SSX5: variants seen among roughly 807,000 people sequenced by gnomAD.
The protein encoded by SSX5 is protein SSX5.
Under a neutral mutation model 14.9 loss-of-function variants are expected in SSX5, and 14 were observed. That is an observed-to-expected ratio of 0.94 (90% confidence interval 0.62 to 1.47). The LOEUF (loss-of-function observed/expected upper bound fraction) is 1.47. SSX5 is among the 40% of genes most tolerant of loss of function. The pLI is 0.00. For synonymous variants in SSX5, 70 were observed against 55.4 expected (o/e 1.26, Z -1.17); for missense variants, 204 against 154.6 (o/e 1.32, Z -1.70).
intron 6 of SSX5, among the ~76,000 whole-genome samples, chrX:48,188,599 T>G (rs1381585958): frequency 1.8e-5 from 2 of 112,039 alleles, no homozygotes; most frequent in Non-Finnish European, 3.8e-5. Flanking sequence ...CTGTATTTCC[T>G]GAGACATATC....
chrX:48,194,618 T>G (rs1556925445), intron 3 of SSX5, 122 bp downstream of exon 3: 3 of 817,680 alleles, frequency 3.7e-6, no homozygotes. Flanking sequence ...GAAGCTGCCT[T>G]GCCATTTTTC....
At chrX:48,191,580 T>G (rs1601920516) in intron 5 of SSX5, among the ~76,000 whole-genome samples, 1 of 111,474 alleles carries the variant, frequency 9.0e-6, no homozygotes, top group African/African-American at 3.3e-5. Flanking sequence ...CAGTAACAGA[T>G]CAGAGACCAG....
chrX:48,186,399 T>C lies in SSX5; in HGVS notation c.*462A>G, dbSNP rs868930186. ...GTGTGTGTGTGTGTGTGTGTGTGTG[T>C]GTGTGCGCGCGCGCGCGCATGTGTG... On this transcript the variant is annotated 3_prime_UTR_variant, in exon 8 of 8. Coordinates refer to ENST00000347757, the MANE Select transcript of SSX5 (RefSeq NM_175723.2). 982 of 227,290 alleles carry C rather than the reference T, an allele frequency of 4.3e-3. 5 individuals carry two copies. Among genetic ancestry groups the C allele is most frequent in the Middle Eastern group, 9.0e-3 (6 of 663 alleles). 18.7% of individuals were successfully genotyped at this position (227,290 alleles called of 1,213,427 possible).
At chrX:48,187,014 T>A (rs1274540224) in intron 7 of SSX5, among the ~76,000 whole-genome samples, 158 bp from the exon 8 acceptor site, 1 of 111,811 alleles carries the variant, frequency 8.9e-6, no homozygotes, top group Admixed American at 9.6e-5. Context: ...GTGAACCATC[T>A]GCTCATACCA....
In SSX5 at chrX:48,190,264, G is replaced by A. The variant is rs376545167; in HGVS notation, c.335C>T (p.Thr112Met). Residue 112 changes from threonine to methionine, a missense_variant, in exon 6 of 8, where the codon ACG (threonine) becomes ATG (methionine). By Grantham distance (81) the Thr-to-Met change is moderately conservative. Coordinates refer to ENST00000347757, the MANE Select transcript of SSX5 (RefSeq NM_175723.2). Reference protein sequence around the residue: ...GRLQGIFPKITPEKPAEEGND... With the variant: ...GRLQGIFPKIMPEKPAEEGND... The stretch of plus-strand genomic sequence containing the variant: ...TCCTTCCTCTGCTGGCTTCTCGGGC[G>A]TGATCTTTATAATGTGAAGGTCACA... The A allele has an allele frequency of 2.7e-5, 32 of 1,196,503 alleles. No individual in the cohort carries two copies. The highest frequency in any genetic ancestry group is 8.8e-5 in the African/African-American group (5 of 56,573).
At chrX:48,194,960 C>T (rs782668031) in intron 2 of SSX5, 106 bp from the exon 3 acceptor site, 6 of 1,208,978 alleles carry the variant, frequency 5.0e-6, no homozygotes, top group South Asian at 1.8e-5. Context: ...GATGATAATC[C>T]GTCCTGGTTG....
chrX:48,186,393 TGTGTGTGTGTGCGC>T lies in SSX5; in HGVS notation c.*454_*467del, dbSNP rs2059396335. 12 of 238,628 alleles carry T rather than the reference TGTGTGTGTGTGCGC, an allele frequency of 5.0e-5. No homozygotes were observed. In the East Asian group the frequency reaches 1.1e-3, roughly 21 times the overall value. The allele number at this position is 238,628 out of a possible 1,213,427, so 19.7% of individuals were successfully genotyped here. A position where few individuals can be genotyped will look rare whatever the true frequency, so the allele number is the denominator to read the frequency against. On this transcript the variant is annotated 3_prime_UTR_variant, in exon 8 of 8. Coordinates refer to ENST00000347757, the MANE Select transcript of SSX5 (RefSeq NM_175723.2). ...GTGTGTGTGTGTGTGTGTGTGTGTG[TGTGTGTGTGTGCGC>T]GCGCGCGCGCATGTGTGTCTGTGTG...
intron 2 of SSX5, 81 bp downstream of exon 2, chrX:48,195,209 C>A: frequency 1.7e-6 from 2 of 1,206,245 alleles, no homozygotes; most frequent in East Asian, 3.0e-5. Context: ...TCCCCAGTAC[C>A]TCTGTCCTCC....
At position 48,186,403 on chromosome X, in the gene SSX5, T is replaced by TGCGCGC. The variant is rs1315296517; in HGVS notation, c.*452_*457dup. 4.9e-4 allele frequency: 69 copies of TGCGCGC among 140,087 alleles called. No individual in the cohort carries two copies. Among genetic ancestry groups the TGCGCGC allele is most frequent in the African/African-American group, 1.4e-3 (35 of 25,357 alleles). The allele number at this position is 140,087 out of a possible 1,213,427, so 11.5% of individuals were successfully genotyped here. On this transcript the variant is annotated 3_prime_UTR_variant, in exon 8 of 8. Transcript: ENST00000347757. ...GTGTGTGTGTGTGTGTGTGTGTGTG[T>TGCGCGC]GCGCGCGCGCGCGCATGTGTGTCTG...
At chrX:48,190,397 C>T in intron 5 of SSX5, 129 bp from the exon 6 acceptor site, 1 of 879,365 alleles carries the variant, frequency 1.1e-6, no homozygotes. Context: ...GTTACACTTG[C>T]CTAAATTAGG....
In SSX5 at chrX:48,194,858, G is replaced by GAA; in HGVS notation, c.70-6_70-5dup. 6 of 909,392 alleles carry GAA rather than the reference G, an allele frequency of 6.6e-6. No individual in the cohort carries two copies. In the Admixed American group the frequency reaches 9.1e-5, roughly 14 times the overall value. 74.9% of individuals were successfully genotyped at this position (909,392 alleles called of 1,213,427 possible). A position where few individuals can be genotyped will look rare whatever the true frequency, so the allele number is the denominator to read the frequency against. On this transcript the variant is annotated splice_region_variant and splice_polypyrimidine_tract_variant and intron_variant, in intron 2 of 7. Coordinates refer to ENST00000347757, the MANE Select transcript of SSX5 (RefSeq NM_175723.2). ...ATTTGGCAATATCATCGAAGGCCTA[G>GAA]AAAAAAAAAAAGGATTTCTGATAGT...
At position 48,194,273 on chromosome X, in the gene SSX5, G is replaced by T. The variant is rs1198843175; in HGVS notation, c.185-49C>A. On this transcript the variant is annotated intron_variant, in intron 3 of 7. Coordinates refer to ENST00000347757, the MANE Select transcript of SSX5 (RefSeq NM_175723.2). ...TCCTTAAGAGACAAGCTTAGGCCTG[G>T]TATGGTGGCTCATGTCTGTAGTAGC... 3.5e-6 allele frequency: 4 copies of T among 1,152,753 alleles called. No individual in the cohort carries two copies. The African/African-American group carries it at 7.2e-5, about 21-fold the overall frequency. 95.0% of individuals were successfully genotyped at this position (1,152,753 alleles called of 1,213,427 possible). A position where few individuals can be genotyped will look rare whatever the true frequency, so the allele number is the denominator to read the frequency against.
chrX:48,186,759 C>T lies in SSX5; in HGVS notation c.*102G>A. ...TGTTGTGAACACTTGCTTTCACTTG[C>T]TATACACCTGATGACGAGGGATCCG... On this transcript the variant is annotated 3_prime_UTR_variant, in exon 8 of 8. Coordinates refer to ENST00000347757, the MANE Select transcript of SSX5 (RefSeq NM_175723.2). 2 of 1,188,732 alleles carry T rather than the reference C, an allele frequency of 1.7e-6. No individual in the cohort carries two copies. The highest frequency in any genetic ancestry group is 2.3e-6 in the Non-Finnish European group (2 of 886,656).
At position 48,186,403 on chromosome X, in the gene SSX5, T is replaced by TGTGTGTGTGTGTGTGCGCGCGC. The variant is rs1327257757; in HGVS notation, c.*457_*458insGCGCGCGCACACACACACACAC. 8 of 126,226 alleles carry TGTGTGTGTGTGTGTGCGCGCGC rather than the reference T, an allele frequency of 6.3e-5. No homozygotes were observed. Among genetic ancestry groups the TGTGTGTGTGTGTGTGCGCGCGC allele is most frequent in the African/African-American group, 3.2e-4 (8 of 25,026 alleles). The allele number at this position is 126,226 out of a possible 1,213,427, so 10.4% of individuals were successfully genotyped here. ...GTGTGTGTGTGTGTGTGTGTGTGTG[T>TGTGTGTGTGTGTGTGCGCGCGC]GCGCGCGCGCGCGCATGTGTGTCTG... On this transcript the variant is annotated 3_prime_UTR_variant, in exon 8 of 8. Transcript: ENST00000347757.
In SSX5 at chrX:48,190,910, C is replaced by CT. The variant is rs782259050; in HGVS notation, c.331-643dup. On this transcript the variant is annotated intron_variant, in intron 5 of 7. Transcript: ENST00000347757. ...ATCACTGACCAACACTCTTAAGCTA[C>CT]TTTTTTTTTTTTTTGGATGGAGTCT... Among the ~76,000 whole-genome samples the CT allele has an allele frequency of 3.8e-3, 393 of 102,297 alleles. 2 individuals are homozygous for CT. Among genetic ancestry groups the CT allele is most frequent in the Non-Finnish European group, 3.6e-3 (179 of 49,679 alleles). 88.8% of individuals were successfully genotyped at this position (102,297 alleles called of 115,157 possible).
At chrX:48,187,913 C>T (rs1174003039) in intron 6 of SSX5, among the ~76,000 whole-genome samples, 182 bp from the exon 7 acceptor site, 1 of 111,971 alleles carries the variant, frequency 8.9e-6, no homozygotes, top group Non-Finnish European at 1.9e-5. Flanking sequence ...ACCTTAGACC[C>T]ACACCAATAC....
rs1556925508 is a variant in SSX5, at chrX:48,194,870, G to A, written c.70-16C>T. 1.7e-6 allele frequency: 2 copies of A among 1,185,978 alleles called. No homozygotes were observed. The highest frequency in any genetic ancestry group is 1.8e-5 in the African/African-American group (1 of 56,171). Reference sequence around the variant, plus strand: ...CATCGAAGGCCTAGAAAAAAAAAAAGGATTTCTGATAGTGACTCAGCTAGG... The same window carrying A: ...CATCGAAGGCCTAGAAAAAAAAAAAAGATTTCTGATAGTGACTCAGCTAGG... On this transcript the variant is annotated splice_polypyrimidine_tract_variant and intron_variant, in intron 2 of 7. Transcript: ENST00000347757.
rs781958468 is a variant in SSX5 at position 48,189,002 on chromosome X, C to G, written c.466+1131G>C. ...TCTAATTCAGGGCAAGACCCAAACT[C>G]TCTTCAAGTCCATGAATTCTGAGAG... On this transcript the variant is annotated intron_variant, in intron 6 of 7. Coordinates refer to ENST00000347757, the MANE Select transcript of SSX5 (RefSeq NM_175723.2). Among the ~76,000 whole-genome samples, 76 of 112,352 alleles carry G rather than the reference C, an allele frequency of 6.8e-4. 1 individual carries two copies. The highest frequency in any genetic ancestry group is 1.0e-3 in the Non-Finnish European group (56 of 53,334).
Position 48,186,744 on chromosome X carries a change from A to G in SSX5, c.*117T>C, listed in dbSNP as rs1328161856. ...CGCTCAACTTTTCACTGTTGTGAAC[A>G]CTTGCTTTCACTTGCTATACACCTG... On this transcript the variant is annotated 3_prime_UTR_variant, in exon 8 of 8. Transcript: ENST00000347757. The G allele has an allele frequency of 7.0e-5, 81 of 1,163,596 alleles. No homozygotes were observed. The highest frequency in any genetic ancestry group is 3.3e-4 in the Middle Eastern group (1 of 3,053).
Sources: allele counts gnomAD v4.1 joint callset (sites outside exome capture counted in the v4.1 genomes callset), GRCh38; gene constraint gnomAD v4.1.1; transcripts MANE v1.5; gene names NCBI Gene and HGNC (gene_info 2026-07-23, HGNC 2026-07-21).